The following CHSY1 variants were observed in gnomAD, a reference collection of about 807,000 sequenced individuals.
CHSY1 encodes chondroitin sulfate synthase 1.
CHSY1 carries 13 observed loss-of-function variants against 59.8 expected under a neutral mutation model. That is an observed-to-expected ratio of 0.22 (90% CI 0.14 to 0.35). CHSY1 has a LOEUF of 0.35. Among genes scored for constraint, CHSY1 ranks in the 10% least tolerant of loss-of-function variants. The pLI is 1.00. For synonymous variants in CHSY1, 459 were observed against 401.2 expected, an observed-to-expected ratio of 1.14 and a Z score of -1.72; for missense variants, 947 against 1,030.6, an observed-to-expected ratio of 0.92 and a Z score of 1.11.
Position 101,178,779 on chromosome 15 carries a change from G to C in CHSY1, c.1018C>G (p.Leu340Val), listed in dbSNP as rs1024887904. 6.2e-7 allele frequency: 1 copy of C among 1,614,212 alleles called. No homozygotes were observed. Among genetic ancestry groups the C allele is most frequent in the Non-Finnish European group, 8.5e-7 (1 of 1,180,042 alleles). Reference protein sequence around the residue: ...RTIQLHREIVLMSKYSNTEIH... With the variant: ...RTIQLHREIVVMSKYSNTEIH... ...TCTGTGTTGCTGTATTTGCTCATCA[G>C]GACAATTTCGCGGTGCAGCTGTATT... Residue 340 changes from leucine to valine, a missense_variant, in exon 3 of 3, where the codon CTG becomes GTG. By Grantham distance (32) the Leu-to-Val change is conservative. Transcript: ENST00000254190.
Position 101,234,735 on chromosome 15 carries a change from C to T in CHSY1, c.816+347G>A, listed in dbSNP as rs548167253. Among the ~76,000 whole-genome samples, 75 of 152,220 alleles carry T rather than the reference C, an allele frequency of 4.9e-4. 1 individual carries two copies. In the South Asian group the frequency reaches 0.015, roughly 30 times the overall value. ...TACAGAAATTAGCCTAGCGTGGTGG[C>T]GCCTGCCTATAATCCTAGCTACTCG... On this transcript the variant is annotated intron_variant, in intron 2 of 2. Transcript: ENST00000254190.
chr15:101,249,049 C>T (rs1314082389), intron 1 of CHSY1, among the ~76,000 whole-genome samples: 1 of 151,460 alleles, frequency 6.6e-6, no homozygotes, highest in Non-Finnish European at 1.5e-5. Context: ...ATGATCCGCC[C>T]GCCTCGGCCT....
chr15:101,207,547 T>C (rs747322423), intron 2 of CHSY1, among the ~76,000 whole-genome samples: 45 of 152,190 alleles, frequency 3.0e-4, no homozygotes, highest in Non-Finnish European at 5.3e-4. Flanking sequence ...AACACTCAAG[T>C]GCCTCATATG....
Position 101,178,343 on chromosome 15 carries a change from T to A in CHSY1, c.1454A>T (p.His485Leu). 6.2e-7 allele frequency: 1 copy of A among 1,608,066 alleles called. No homozygotes were observed. Among genetic ancestry groups the A allele is most frequent in the Non-Finnish European group, 8.5e-7 (1 of 1,175,122 alleles). ...QTFSKIQFVEHEELDAQELAK... is the reference protein window; with the variant it reads ...QTFSKIQFVELEELDAQELAK... The stretch of plus-strand genomic sequence containing the variant: ...CAACTCTTGTGCATCCAGCTCCTCA[T>A]GCTCCACAAACTGGATTTTGCTGAA... The change falls in exon 3 of 3, where the codon CAT becomes CTT. Residue 485 changes from histidine (H) to leucine (L), a missense_variant. Physicochemically the swap from His to Leu is moderately conservative, Grantham distance 99. Transcript: ENST00000254190.
At chr15:101,236,996 G>C (rs944172544) in intron 1 of CHSY1, among the ~76,000 whole-genome samples, 2 of 151,508 alleles carry the variant, frequency 1.3e-5, no homozygotes, top group African/African-American at 4.9e-5. Context: ...GAGGCAGGCA[G>C]ATCACAAGGT....
chr15:101,233,176 A>G (rs527979024), intron 2 of CHSY1, among the ~76,000 whole-genome samples: 2 of 152,300 alleles, frequency 1.3e-5, no homozygotes, highest in African/African-American at 4.8e-5. Flanking sequence ...CCGTCAGAGG[A>G]AAATCATCTC....
At chr15:101,214,510 A>G (rs557405374) in intron 2 of CHSY1, among the ~76,000 whole-genome samples, 6 of 152,332 alleles carry the variant, frequency 3.9e-5, no homozygotes, top group African/African-American at 1.2e-4. Flanking sequence ...CAATAACTGC[A>G]ACAGATGCTT....
At chr15:101,210,256 G>C (rs919156971) in intron 2 of CHSY1, among the ~76,000 whole-genome samples, 2 of 152,168 alleles carry the variant, frequency 1.3e-5, no homozygotes, top group Non-Finnish European at 2.9e-5. Context: ...CCACAATTCT[G>C]CATAATGTGC....
intron 2 of CHSY1, among the ~76,000 whole-genome samples, chr15:101,218,958 T>C (rs2038762360): frequency 1.3e-5 from 2 of 152,182 alleles, no homozygotes; most frequent in African/African-American, 4.8e-5. Flanking sequence ...TATAGTGCAG[T>C]ATCATACAGA....
chr15:101,245,133 T>C (rs745475298), intron 1 of CHSY1, among the ~76,000 whole-genome samples: 4 of 152,212 alleles, frequency 2.6e-5, no homozygotes, highest in Non-Finnish European at 4.4e-5. Flanking sequence ...ATCAGGCTAC[T>C]GTCCTGCCGA....
chr15:101,249,510 ATTTTTTT>A (rs34753057), intron 1 of CHSY1, among the ~76,000 whole-genome samples: 12 of 113,044 alleles, frequency 1.1e-4, no homozygotes, highest in South Asian at 2.7e-4. Context: ...GATAGATAGA[ATTTTTTT>A]TTTTTTTTTT....
rs56793692 is a variant in CHSY1, at chr15:101,204,435, A to AAATAATAAT, written c.817-25464_817-25456dup. 7.1e-3 allele frequency among the ~76,000 whole-genome samples: 1,028 copies of AAATAATAAT among 143,954 alleles called. 5 individuals are homozygous for AAATAATAAT. Among genetic ancestry groups the AAATAATAAT allele is most frequent in the East Asian group, 0.02 (98 of 5,012 alleles). The allele number at this position is 143,954 out of a possible 152,430, so 94.4% of individuals were successfully genotyped here. A position where few individuals can be genotyped will look rare whatever the true frequency, so the allele number is the denominator to read the frequency against. ...GGCAGTAAGAGCGAAACTCCATCTC[A>AAATAATAAT]AATAATAATAATAATAATAATAATA... is the stretch of plus-strand genomic sequence containing the variant. On this transcript the variant is annotated intron_variant, in intron 2 of 2. Coordinates refer to ENST00000254190, the MANE Select transcript of CHSY1 (RefSeq NM_014918.5).
intron 2 of CHSY1, among the ~76,000 whole-genome samples, chr15:101,186,351 T>C (rs1029430100): frequency 7.4e-6 from 1 of 134,514 alleles, no homozygotes; most frequent in Admixed American, 7.4e-5. Context: ...AATAAATAAA[T>C]AAAACGTATA....
chr15:101,225,879 C>A lies in CHSY1; in HGVS notation c.816+9203G>T, dbSNP rs1187992164. On this transcript the variant is annotated intron_variant, in intron 2 of 2. Coordinates refer to ENST00000254190, the MANE Select transcript of CHSY1 (RefSeq NM_014918.5). ...TCTCTTCAAATGTATACAGGAAATG[C>A]CACTGTGCTATGTCTTAAGATAAAG... Among the ~76,000 whole-genome samples, 3 of 152,166 alleles carry A rather than the reference C, an allele frequency of 2.0e-5. No homozygotes were observed. The East Asian group carries it at 5.8e-4, about 29-fold the overall frequency.
chr15:101,215,596 GTGGTAGTGCA>G (rs1377570462), intron 2 of CHSY1, among the ~76,000 whole-genome samples: 3 of 152,182 alleles, frequency 2.0e-5, no homozygotes, highest in Non-Finnish European at 4.4e-5. Context: ...TTAGCCAGGC[GTGGTAGTGCA>G]TGCCTGTAGT....
At chr15:101,184,189 T>C (rs957800296) in intron 2 of CHSY1, among the ~76,000 whole-genome samples, 9 of 152,176 alleles carry the variant, frequency 5.9e-5, no homozygotes, top group Admixed American at 2.0e-4. Context: ...ACAAAGTGTT[T>C]TAGAAGCTGC....
At chr15:101,235,028 ATGACAAAAT>A in intron 2 of CHSY1, 45 bp downstream of exon 2, 1 of 1,602,012 alleles carries the variant, frequency 6.2e-7, no homozygotes. Context: ...CTCAGAACTA[ATGACAAAAT>A]TGACAAAATT....
chr15:101,208,671 CCACTG>C (rs2038652152), intron 2 of CHSY1, among the ~76,000 whole-genome samples: 2 of 146,750 alleles, frequency 1.4e-5, no homozygotes, highest in African/African-American at 5.2e-5. Flanking sequence ...CGAGATCGTG[CCACTG>C]CACTCCAGCC....
chr15:101,235,609 A>G (rs753196832), intron 1 of CHSY1, 32 bp from the exon 2 acceptor site: 2 of 1,598,146 alleles, frequency 1.3e-6, no homozygotes, highest in Non-Finnish European at 1.7e-6. Flanking sequence ...GTTAGAGAAC[A>G]GTTTATTCCA....
Sources: allele counts gnomAD v4.1 joint callset (sites outside exome capture counted in the v4.1 genomes callset), GRCh38; gene constraint gnomAD v4.1.1; transcripts MANE v1.5; gene names NCBI Gene and HGNC (gene_info 2026-07-23, HGNC 2026-07-21).